Variants in DST observed in about 807,000 individuals in gnomAD.
The protein encoded by DST is dystonin, also known as bullous pemphigoid antigen.
DST carries 253 observed loss-of-function variants against 875.2 expected under a neutral mutation model. The observed-to-expected ratio is 0.29, with a 90% CI of 0.26 to 0.32. The LOEUF (loss-of-function observed/expected upper bound fraction) is 0.32. Ranked by LOEUF, DST falls within the 10% of genes least tolerant of loss-of-function variation. The pLI is 1.00. For missense variants in DST, 8,287 were observed against 9,111.6 expected, an observed-to-expected ratio of 0.91 and a Z score of 3.68; for synonymous variants, 3,124 against 3,197.1, an observed-to-expected ratio of 0.98 and a Z score of 0.77.
chr6:56,535,389 G>T, intron 62 of DST, 97 bp from the exon 63 acceptor site: 17 of 1,356,066 alleles, frequency 1.3e-5, no homozygotes, highest in Non-Finnish European at 1.5e-5. Context: ...TTCCCGTGTG[G>T]TCACAAATTT....
intron 6 of DST, 75 bp downstream of exon 6, chr6:56,704,205 G>T: frequency 1.4e-6 from 1 of 733,584 alleles, no homozygotes; most frequent in Non-Finnish European, 2.2e-6. Flanking sequence ...TGAATAGTCT[G>T]TACTGAAAAC....
At chr6:56,529,925 A>G in intron 65 of DST, 49 bp downstream of exon 65, 2 of 1,601,554 alleles carry the variant, frequency 1.2e-6, no homozygotes, top group Non-Finnish European at 1.7e-6. Flanking sequence ...TATGTCACAA[A>G]ACCACACAAT....
chr6:56,611,758 ATAAGAG>A lies in DST; in HGVS notation c.5059-168_5059-163del, dbSNP rs1299695403. Among the ~76,000 whole-genome samples, 6 of 152,230 alleles carry A rather than the reference ATAAGAG, an allele frequency of 3.9e-5. No individual in the cohort carries two copies. The South Asian group carries it at 8.3e-4, about 21-fold the overall frequency. ...AGTTATTAGCAGTCTATAGAGCTAG[ATAAGAG>A]TATTTTATTTAGAATCCGTAAGGAA... is the stretch of plus-strand genomic sequence containing the variant. On this transcript the variant is annotated intron_variant, in intron 37 of 103. Coordinates refer to ENST00000680361, the MANE Select transcript of DST (RefSeq NM_001374736.1).
chr6:56,610,698 G>C (rs1344267238), intron 38 of DST, 136 bp from the exon 39 acceptor site: 2 of 628,010 alleles, frequency 3.2e-6, no homozygotes, highest in African/African-American at 3.9e-5. Flanking sequence ...GTCTCAGTAT[G>C]ACTGTATATG....
chr6:56,951,955 G>A (rs1223043531), intron 2 of DST, among the ~76,000 whole-genome samples: 1 of 152,076 alleles, frequency 6.6e-6, no homozygotes, highest in Non-Finnish European at 1.5e-5. Context: ...TCAGGAACTA[G>A]CACCCACTAG....
At chr6:56,684,798 C>T (rs189142208) in intron 9 of DST, among the ~76,000 whole-genome samples, 3 of 152,316 alleles carry the variant, frequency 2.0e-5, no homozygotes, top group East Asian at 1.9e-4. Flanking sequence ...TTGGCTTTGC[C>T]TCACTCCTAA....
At chr6:56,521,601 GAAAAAAA>G (rs10547460) in intron 69 of DST, among the ~76,000 whole-genome samples, 1 of 92,042 alleles carries the variant, frequency 1.1e-5, no homozygotes. Context: ...CTCTGCTAAG[GAAAAAAA>G]AAAAAAAAAA....
At position 56,573,037 on chromosome 6, in the gene DST, G is replaced by C. The variant is rs2097799870; in HGVS notation, c.13264C>G (p.Gln4422Glu). The C allele has an allele frequency of 6.3e-7, 1 of 1,593,102 alleles. No individual in the cohort carries two copies. Residue 4422 changes from glutamine (Q) to glutamate (E), a missense_variant, in exon 52 of 104, where the codon CAG becomes GAG. Gln to Glu is a conservative substitution (Grantham distance 29). Around this residue, in one of 10 missense-constraint regions of DST, gnomAD observed 1,513 missense variants for 1,677.8 expected, o/e 0.90. Coordinates refer to ENST00000680361, the MANE Select transcript of DST (RefSeq NM_001374736.1). ...TCATTCATGGCATTTATACTGCTCT[G>C]ACGACCTGCAATATCCTGTTCCAAC... ...IMLEQDIAGR[Q>E]SSINAMNEKV...
At chr6:56,721,667 A>G (rs1018059983) in intron 5 of DST, among the ~76,000 whole-genome samples, 1 of 152,228 alleles carries the variant, frequency 6.6e-6, no homozygotes, top group African/African-American at 2.4e-5. Context: ...CTATTCAAAT[A>G]CCATTTTGTT....
chr6:56,904,819 C>A (rs1562351804), intron 2 of DST, among the ~76,000 whole-genome samples: 1 of 152,178 alleles, frequency 6.6e-6, no homozygotes, highest in Admixed American at 6.5e-5. Flanking sequence ...GAGACCGAGT[C>A]TAGCTCTGTC....
intron 10 of DST, among the ~76,000 whole-genome samples, chr6:56,669,545 G>C (rs2099089187): frequency 6.7e-6 from 1 of 149,792 alleles, no homozygotes; most frequent in Non-Finnish European, 1.5e-5. Context: ...GCAGTGAGCT[G>C]AGATCATGCC....
chr6:56,634,143 T>A lies in DST; in HGVS notation c.3610A>T (p.Asn1204Tyr). The A allele has an allele frequency of 6.2e-7, 1 of 1,613,264 alleles. No individual in the cohort carries two copies. The highest frequency in any genetic ancestry group is 8.5e-7 in the Non-Finnish European group (1 of 1,180,010). ...INEIDRIRAS[N>Y]VASIKTMLPG... Reference sequence around the variant, plus strand: ...AGATTCATACTTACTGAAGCCACATTGCTAGCTCGAATTCTATCAATTTCA... The same window carrying A: ...AGATTCATACTTACTGAAGCCACATAGCTAGCTCGAATTCTATCAATTTCA... Residue 1204 changes from asparagine to tyrosine, a missense_variant, in exon 27 of 104, where the codon AAT (asparagine) becomes TAT (tyrosine). This residue lies in a region of DST where 3,138 missense variants were observed against 3,116.6 expected (regional missense o/e 1.01). Transcript: ENST00000680361.
At chr6:56,522,272 A>G (rs1249933036) in intron 69 of DST, among the ~76,000 whole-genome samples, 2 of 152,156 alleles carry the variant, frequency 1.3e-5, no homozygotes, top group African/African-American at 2.4e-5. Flanking sequence ...GGTAAAGGGA[A>G]GTTAACTAAC....
intron 2 of DST, among the ~76,000 whole-genome samples, chr6:56,949,530 C>A (rs1202471281): frequency 6.6e-6 from 1 of 152,168 alleles, no homozygotes; most frequent in African/African-American, 2.4e-5. Flanking sequence ...CTAGAAGGAA[C>A]TGTCAAGGGC....
chr6:56,543,643 G>A (rs916804064), intron 61 of DST, among the ~76,000 whole-genome samples: 5 of 152,080 alleles, frequency 3.3e-5, no homozygotes, highest in African/African-American at 7.2e-5. Flanking sequence ...AAGAAACATC[G>A]TCAGAGTGTC....
At chr6:56,544,337 G>A (rs774479888) in intron 61 of DST, among the ~76,000 whole-genome samples, 106 of 152,292 alleles carry the variant, frequency 7.0e-4, no homozygotes, top group Middle Eastern at 3.4e-3. Flanking sequence ...GATCCTTACA[G>A]AACTTTTCAT....
intron 4 of DST, among the ~76,000 whole-genome samples, chr6:56,791,245 C>T (rs1279418483): frequency 6.6e-6 from 1 of 152,038 alleles, no homozygotes; most frequent in Admixed American, 6.5e-5. Flanking sequence ...GGTGACAGAG[C>T]GAGATTCCGT....
rs2098957973 is a variant in DST at position 56,648,637 on chromosome 6, T to A, written c.1487A>T (p.Gln496Leu). The part of the protein sequence containing the change: ...EYQNMVNYLI[Q>L]WIRHHVTTMS... The stretch of plus-strand genomic sequence containing the variant: ...TGTGGTCACATGGTGTCTAATCCAT[T>A]GGATGAGGTAGTTCACCATATTCTG... Residue 496 changes from glutamine (Q) to leucine (L), a missense_variant, in exon 13 of 104, where the codon CAA becomes CTA. Transcript: ENST00000680361. The A allele has an allele frequency of 6.3e-7, 1 of 1,589,836 alleles. No individual in the cohort carries two copies. Among genetic ancestry groups the A allele is most frequent in the African/African-American group, 1.3e-5 (1 of 74,716 alleles).
At chr6:56,650,211 T>C (rs904368291) in intron 12 of DST, among the ~76,000 whole-genome samples, 2 of 150,872 alleles carry the variant, frequency 1.3e-5, no homozygotes, top group Non-Finnish European at 1.5e-5. Flanking sequence ...AAAAAAGGTG[T>C]CTGCAAAGAG....
Sources: allele counts gnomAD v4.1 joint callset (sites outside exome capture counted in the v4.1 genomes callset), GRCh38; gene constraint gnomAD v4.1.1; regional missense constraint gnomAD v4.1.1; transcripts MANE v1.5; gene names NCBI Gene and HGNC (gene_info 2026-07-23, HGNC 2026-07-21).